Variants in UTRN observed in about 807,000 individuals in gnomAD.
UTRN encodes utrophin, also known as dystrophin-related protein 1.
A neutral mutation model predicts 463.9 loss-of-function variants in UTRN; 283 were observed. The observed-to-expected ratio is 0.61, with a 90% CI of 0.55 to 0.67. UTRN has a LOEUF of 0.67. UTRN is among the 30% of genes least tolerant of loss of function. UTRN has a pLI of 0.00. For synonymous variants in UTRN, 1,442 were observed against 1,431.5 expected, an observed-to-expected ratio of 1.01 and a Z score of -0.17; for missense variants, 3,922 against 4,084.3, an observed-to-expected ratio of 0.96 and a Z score of 1.08.
At chr6:144,797,080 C>T (rs1357746003) in intron 63 of UTRN, among the ~76,000 whole-genome samples, 1 of 151,916 alleles carries the variant, frequency 6.6e-6, no homozygotes, top group Non-Finnish European at 1.5e-5. Flanking sequence ...TATAATGGGA[C>T]TAGAGCAGGA....
intron 51 of UTRN, among the ~76,000 whole-genome samples, chr6:144,664,208 G>C (rs989730299): frequency 7.4e-4 from 113 of 152,210 alleles, no homozygotes; most frequent in Non-Finnish European, 3.8e-4. Context: ...GTGTGCATGT[G>C]TGTGGCCCAT....
chr6:144,640,328 TAA>T (rs1227992700), intron 51 of UTRN, among the ~76,000 whole-genome samples: 1 of 152,114 alleles, frequency 6.6e-6, no homozygotes, highest in East Asian at 1.9e-4. Context: ...TGAATTATTG[TAA>T]AGAGTAGATT....
intron 2 of UTRN, among the ~76,000 whole-genome samples, chr6:144,307,560 G>C (rs1805854886): frequency 2.0e-5 from 3 of 152,238 alleles, no homozygotes; most frequent in Middle Eastern, 6.8e-3. Flanking sequence ...ACGCTGGCAC[G>C]AACTGAGGGT....
chr6:144,336,611 G>A (rs1776738189), intron 2 of UTRN, among the ~76,000 whole-genome samples: 1 of 152,122 alleles, frequency 6.6e-6, no homozygotes, highest in South Asian at 2.1e-4. Flanking sequence ...CAGCAAGTGT[G>A]CTTCGAGAAA....
intron 9 of UTRN, among the ~76,000 whole-genome samples, chr6:144,430,058 CAT>C (rs1358112407): frequency 6.6e-6 from 1 of 152,132 alleles, no homozygotes; most frequent in African/African-American, 2.4e-5. Flanking sequence ...TTATTTCTGT[CAT>C]GTGCTAAAGA....
Position 144,514,186 on chromosome 6 carries a change from A to G in UTRN, c.5073+149A>G, listed in dbSNP as rs984264116. ...TATTTTGATGGGAGAAACTGAGACA[A>G]TAAGAGACAAAATAAGAGACGAACT... is the stretch of plus-strand genomic sequence containing the variant. On this transcript the variant is annotated intron_variant, in intron 36 of 74. Transcript: ENST00000367545. 9.3e-6 allele frequency: 11 copies of G among 1,183,150 alleles called. No homozygotes were observed. The African/African-American group carries it at 1.4e-4, about 15-fold the overall frequency. 73.3% of individuals were successfully genotyped at this position (1,183,150 alleles called of 1,614,324 possible).
intron 39 of UTRN, among the ~76,000 whole-genome samples, chr6:144,518,170 A>G (rs1214610599): frequency 6.6e-6 from 1 of 152,172 alleles, no homozygotes; most frequent in African/African-American, 2.4e-5. Flanking sequence ...CCATGATATT[A>G]TATCCCATGG....
chr6:144,426,297 T>C lies in UTRN; in HGVS notation c.416T>C (p.Val139Ala), dbSNP rs750676413. 1 of 1,613,166 alleles carries C rather than the reference T, an allele frequency of 6.2e-7. No homozygotes were observed. Among genetic ancestry groups the C allele is most frequent in the Non-Finnish European group, 8.5e-7 (1 of 1,179,596 alleles). ...GTTTCTCTTACATAGGTGAAAGATG[T>C]CATGAAGGATGTCATGTCGGACCTG... ...SIILHWQVKD[V>A]MKDVMSDLQQ... Residue 139 changes from valine to alanine, a missense_variant, in exon 7 of 75, where the codon GTC becomes GCC. Transcript: ENST00000367545.
At chr6:144,692,204 C>A (rs1442057959) in intron 52 of UTRN, among the ~76,000 whole-genome samples, 1 of 152,206 alleles carries the variant, frequency 6.6e-6, no homozygotes, top group African/African-American at 2.4e-5. Context: ...CATCCCTGTT[C>A]CTGCAAAGAA....
intron 2 of UTRN, among the ~76,000 whole-genome samples, chr6:144,350,210 T>C (rs1193683700): frequency 1.3e-5 from 2 of 151,840 alleles, no homozygotes; most frequent in Non-Finnish European, 2.9e-5. Flanking sequence ...TTTAGTAATA[T>C]AGTTCAAATG....
intron 71 of UTRN, 47 bp downstream of exon 71, chr6:144,836,588 C>T (rs1480092376): frequency 1.2e-6 from 2 of 1,605,054 alleles, no homozygotes; most frequent in Non-Finnish European, 1.7e-6. Context: ...GCCATCTGTC[C>T]ACTGCCCTGG....
chr6:144,773,954 G>A (rs1468373844), intron 59 of UTRN, among the ~76,000 whole-genome samples: 1 of 152,148 alleles, frequency 6.6e-6, no homozygotes, highest in Non-Finnish European at 1.5e-5. Flanking sequence ...AGGGTCAGGA[G>A]ACAAGAGACC....
intron 39 of UTRN, among the ~76,000 whole-genome samples, chr6:144,517,167 T>A (rs1185837747): frequency 3.9e-5 from 6 of 152,070 alleles, no homozygotes; most frequent in Non-Finnish European, 7.4e-5. Context: ...TTTGGATTTC[T>A]GATTATGTTA....
chr6:144,803,294 T>A, intron 65 of UTRN, 147 bp downstream of exon 65: 1 of 438,976 alleles, frequency 2.3e-6, no homozygotes, highest in Non-Finnish European at 3.8e-6. Flanking sequence ...CTCATTTATG[T>A]TGAATTAATT....
intron 70 of UTRN, among the ~76,000 whole-genome samples, 165 bp from the exon 71 acceptor site, chr6:144,836,136 C>T (rs1300890762): frequency 2.6e-5 from 4 of 152,162 alleles, no homozygotes; most frequent in Admixed American, 1.3e-4. Flanking sequence ...TCTACTGGGA[C>T]ACTTGCTTAA....
chr6:144,523,502 G>A (rs548782970), intron 41 of UTRN, among the ~76,000 whole-genome samples: 2 of 152,108 alleles, frequency 1.3e-5, no homozygotes, highest in Non-Finnish European at 2.9e-5. Context: ...TAGAGATGGG[G>A]TTTCACCATG....
At chr6:144,476,984 A>G (rs1791278098) in intron 25 of UTRN, among the ~76,000 whole-genome samples, 1 of 152,214 alleles carries the variant, frequency 6.6e-6, no homozygotes, top group Non-Finnish European at 1.5e-5. Context: ...GATATTAATA[A>G]GAGGACCTCA....
chr6:144,576,713 CTGTATGAATATTTAA>C (rs1801473522), intron 50 of UTRN, among the ~76,000 whole-genome samples: 1 of 152,110 alleles, frequency 6.6e-6, no homozygotes, highest in Non-Finnish European at 1.5e-5. Context: ...TAGTCGCTGA[CTGTATGAATATTTAA>C]TCCTTAAAGG....
At chr6:144,442,857 C>T (rs1787310855) in intron 13 of UTRN, among the ~76,000 whole-genome samples, 1 of 152,194 alleles carries the variant, frequency 6.6e-6, no homozygotes, top group Non-Finnish European at 1.5e-5. Flanking sequence ...CTGACTTCTT[C>T]TCAGAAGCAC....
Sources: allele counts gnomAD v4.1 joint callset (sites outside exome capture counted in the v4.1 genomes callset), GRCh38; gene constraint gnomAD v4.1.1; transcripts MANE v1.5; gene names NCBI Gene and HGNC (gene_info 2026-07-23, HGNC 2026-07-21).